Variants in LAMA2 observed in about 807,000 individuals in gnomAD.
The protein encoded by LAMA2 is laminin subunit alpha-2.
In LAMA2, 269 loss-of-function variants were observed where a neutral mutation model predicts 364.8. The ratio of observed to expected loss-of-function variants is 0.74; its 90% CI spans 0.67 to 0.82. LAMA2 has a LOEUF of 0.82. Ranked by LOEUF, LAMA2 falls within the 40% of genes least tolerant of loss-of-function variation. LAMA2 has a pLI of 0.00. For synonymous variants in LAMA2, 1,379 were observed against 1,370.6 expected (o/e 1.01, Z -0.14); for missense variants, 3,807 against 3,873.2 (o/e 0.98, Z 0.45).
At chr6:129,447,309 G>T (rs1055688369) in intron 45 of LAMA2, among the ~76,000 whole-genome samples, 1 of 152,214 alleles carries the variant, frequency 6.6e-6, no homozygotes, top group Non-Finnish European at 1.5e-5. Context: ...CTCTAGTAGG[G>T]CCTGAAGATT....
chr6:129,133,267 G>A (rs1415693100), intron 4 of LAMA2, among the ~76,000 whole-genome samples: 1 of 152,224 alleles, frequency 6.6e-6, no homozygotes, highest in East Asian at 1.9e-4. Flanking sequence ...GCCAGGGGCT[G>A]TATTTAGAGT....
Position 129,383,206 on chromosome 6 carries a change from A to G in LAMA2, c.5044A>G (p.Ile1682Val), listed in dbSNP as rs1423860085. The change falls in exon 35 of 65, where the codon ATT becomes GTT. Residue 1682 changes from isoleucine (I) to valine (V), a missense_variant. Coordinates refer to ENST00000421865, the MANE Select transcript of LAMA2 (RefSeq NM_000426.4). ...AAGAGCAAAGTCCCTGGGAGAATTCATTAAGGAGCTTGCCCGGGATGCAGA... is the reference window on the plus strand; with the variant it reads ...AAGAGCAAAGTCCCTGGGAGAATTCGTTAAGGAGCTTGCCCGGGATGCAGA... ...NTRAKSLGEF[I>V]KELARDAEAV... The G allele has an allele frequency of 7.4e-6, 12 of 1,613,430 alleles. No homozygotes were observed. Among genetic ancestry groups the G allele is most frequent in the South Asian group, 1.1e-5 (1 of 90,970 alleles).
chr6:128,968,842 G>T (rs1347215853), intron 1 of LAMA2, among the ~76,000 whole-genome samples: 2 of 152,130 alleles, frequency 1.3e-5, no homozygotes, highest in African/African-American at 4.8e-5. Flanking sequence ...GTCAGATCAC[G>T]TGGGACCTTG....
chr6:129,428,147 A>T (rs972135671), intron 41 of LAMA2, among the ~76,000 whole-genome samples: 2 of 152,192 alleles, frequency 1.3e-5, no homozygotes, highest in African/African-American at 4.8e-5. Context: ...TATCAAACCC[A>T]GGCCAGCCAT....
At chr6:129,114,101 G>A (rs892204644) in intron 4 of LAMA2, among the ~76,000 whole-genome samples, 1 of 151,842 alleles carries the variant, frequency 6.6e-6, no homozygotes, top group African/African-American at 2.4e-5. Flanking sequence ...GCATCTTCAG[G>A]CCCTTTAGAC....
At chr6:129,013,136 A>T (rs992009540) in intron 1 of LAMA2, among the ~76,000 whole-genome samples, 3 of 152,208 alleles carry the variant, frequency 2.0e-5, no homozygotes, top group Non-Finnish European at 4.4e-5. Flanking sequence ...TTACATTTTT[A>T]TTTAAAAATT....
intron 3 of LAMA2, among the ~76,000 whole-genome samples, chr6:129,083,795 G>A (rs1274046326): frequency 6.6e-6 from 1 of 152,134 alleles, no homozygotes; most frequent in Non-Finnish European, 1.5e-5. Flanking sequence ...CCTGGAATAG[G>A]TGAAAATATC....
chr6:129,392,904 C>T (rs999297307), intron 36 of LAMA2, 141 bp from the exon 37 acceptor site: 6 of 647,842 alleles, frequency 9.3e-6, no homozygotes, highest in African/African-American at 9.1e-5. Flanking sequence ...TGATTTAGCA[C>T]ACAGTGAATC....
chr6:129,120,643 T>G (rs1312947292), intron 4 of LAMA2, among the ~76,000 whole-genome samples: 2 of 152,246 alleles, frequency 1.3e-5, no homozygotes, highest in East Asian at 1.9e-4. Context: ...TCCCTGCCAA[T>G]GACTTAACTT....
intron 52 of LAMA2, among the ~76,000 whole-genome samples, chr6:129,474,708 T>G (rs1376881621): frequency 1.3e-5 from 2 of 152,164 alleles, no homozygotes; most frequent in Non-Finnish European, 2.9e-5. Context: ...TGATTTTAAT[T>G]ATCATAAAAT....
intron 4 of LAMA2, among the ~76,000 whole-genome samples, chr6:129,118,867 C>T (rs1387974984): frequency 6.6e-6 from 1 of 152,128 alleles, no homozygotes; most frequent in African/African-American, 2.4e-5. Context: ...GGCTGTTGCT[C>T]CTTATCCATG....
chr6:129,232,756 C>T (rs1784748068), intron 12 of LAMA2, among the ~76,000 whole-genome samples: 1 of 152,002 alleles, frequency 6.6e-6, no homozygotes, highest in South Asian at 2.1e-4. Flanking sequence ...AGTTTAAGAA[C>T]CTTAAGGTGG....
In LAMA2 at chr6:128,883,145, C is replaced by A; in HGVS notation, c.-101C>A. The A allele has an allele frequency of 8.3e-7, 1 of 1,202,204 alleles. No individual in the cohort carries two copies. Among genetic ancestry groups the A allele is most frequent in the Non-Finnish European group, 1.2e-6 (1 of 845,718 alleles). The allele number at this position is 1,202,204 out of a possible 1,614,324, so 74.5% of individuals were successfully genotyped here. On this transcript the variant is annotated 5_prime_UTR_variant, in exon 1 of 65. Transcript: ENST00000421865. ...AGAGGGGGCTGTCTCCTCCTCTTCC[C>A]CAGCAGCTGCTGCTCGCTCAGCTCA... is the stretch of plus-strand genomic sequence containing the variant.
intron 22 of LAMA2, among the ~76,000 whole-genome samples, chr6:129,312,367 C>A (rs1218668991): frequency 2.0e-5 from 3 of 152,090 alleles, no homozygotes; most frequent in Non-Finnish European, 4.4e-5. Flanking sequence ...TAGTCTGATG[C>A]CCTTTGTATG....
intron 12 of LAMA2, among the ~76,000 whole-genome samples, chr6:129,238,872 T>C (rs1785200916): frequency 6.6e-6 from 1 of 151,874 alleles, no homozygotes; most frequent in Non-Finnish European, 1.5e-5. Flanking sequence ...AGCAATTGGG[T>C]CTCCTTATTT....
At chr6:129,057,388 T>G (rs11969640) in intron 2 of LAMA2, among the ~76,000 whole-genome samples, 3,507 of 152,292 alleles carry the variant, frequency 0.023, 134 homozygotes, top group African/African-American at 0.081. Context: ...ATAATTGTCC[T>G]CCATTTTGAT....
intron 1 of LAMA2, among the ~76,000 whole-genome samples, chr6:129,006,416 C>G (rs116602227): frequency 6.6e-6 from 1 of 152,032 alleles, no homozygotes; most frequent in Non-Finnish European, 1.5e-5. Flanking sequence ...ACATTCTTGC[C>G]TTGATCTTAG....
chr6:129,389,531 T>A (rs2437099), intron 35 of LAMA2, among the ~76,000 whole-genome samples: 1 of 152,136 alleles, frequency 6.6e-6, no homozygotes, highest in East Asian at 1.9e-4. Context: ...TGACCTAATC[T>A]CCTCTCAAAG....
chr6:129,340,463 A>G (rs934917920), intron 29 of LAMA2, among the ~76,000 whole-genome samples: 2 of 152,176 alleles, frequency 1.3e-5, no homozygotes, highest in Non-Finnish European at 2.9e-5. Flanking sequence ...TGTCAAAGGG[A>G]TGGAAAATAA....
Sources: gnomAD v4.1 joint callset for allele counts (sites outside exome capture counted in the v4.1 genomes callset) on GRCh38, gnomAD v4.1.1 for gene constraint, MANE v1.5 for transcripts, NCBI Gene and HGNC (gene_info 2026-07-23, HGNC 2026-07-21) for gene names.